NAALADL2: variants seen among roughly 807,000 people sequenced by gnomAD.
NAALADL2 encodes the protein N-acetylated alpha-linked acidic dipeptidase like 2.
A neutral mutation model predicts 87.2 loss-of-function variants in NAALADL2; 76 were observed. The observed-to-expected ratio is 0.87, with a 90% CI of 0.72 to 1.05. The LOEUF is 1.05. Among genes scored for constraint, NAALADL2 ranks in the 50% least tolerant of loss-of-function variants. NAALADL2 has a pLI of 0.00. For synonymous variants in NAALADL2, 354 were observed against 331.0 expected, an observed-to-expected ratio of 1.07 and a Z score of -0.75; for missense variants, 1,089 against 945.8, an observed-to-expected ratio of 1.15 and a Z score of -1.99.
chr3:175,740,991 A>C (rs1745164049), intron 12 of NAALADL2, among the ~76,000 whole-genome samples: 1 of 152,174 alleles, frequency 6.6e-6, no homozygotes, highest in Non-Finnish European at 1.5e-5. Context: ...GATGACAGTG[A>C]TCTAGTGGAG....
intron 2 of NAALADL2, among the ~76,000 whole-genome samples, chr3:175,117,708 C>T (rs1446459404): frequency 6.6e-6 from 1 of 151,866 alleles, no homozygotes; most frequent in Non-Finnish European, 1.5e-5. Context: ...GACAGTGCGG[C>T]AATTCCTCAA....
intron 13 of NAALADL2, among the ~76,000 whole-genome samples, chr3:175,791,911 CAA>C (rs201243200): frequency 1.6e-5 from 2 of 127,958 alleles, no homozygotes. Context: ...GTTCCCAAAG[CAA>C]AAAAAAAAAA....
At chr3:175,278,354 T>C (rs1753865626) in intron 4 of NAALADL2, among the ~76,000 whole-genome samples, 1 of 152,150 alleles carries the variant, frequency 6.6e-6, no homozygotes, top group Non-Finnish European at 1.5e-5. Flanking sequence ...CTAGTTAATA[T>C]ACCAGAGAGA....
intron 3 of NAALADL2, among the ~76,000 whole-genome samples, chr3:174,825,347 G>C (rs540651150): frequency 1.2e-4 from 19 of 152,304 alleles, no homozygotes; most frequent in Middle Eastern, 3.4e-3. Context: ...GTAAGTCCTG[G>C]AGTCCAAAGA....
intron 10 of NAALADL2, among the ~76,000 whole-genome samples, chr3:175,601,290 T>C (rs761300417): frequency 1.3e-5 from 2 of 152,196 alleles, no homozygotes; most frequent in African/African-American, 2.4e-5. Context: ...ATCAACATAT[T>C]GTATGTGTAT....
intron 5 of NAALADL2, among the ~76,000 whole-genome samples, chr3:175,406,329 GAGTATC>G (rs1712369948): frequency 6.6e-6 from 1 of 152,180 alleles, no homozygotes; most frequent in Admixed American, 6.5e-5. Context: ...CCATTGGGTA[GAGTATC>G]CTTATTTGAG....
At chr3:175,349,310 G>A (rs2148868747) in intron 5 of NAALADL2, among the ~76,000 whole-genome samples, 1 of 152,198 alleles carries the variant, frequency 6.6e-6, no homozygotes, top group Non-Finnish European at 1.5e-5. Context: ...CAACTATGTG[G>A]ATAAGAAAGA....
intron 3 of NAALADL2, among the ~76,000 whole-genome samples, chr3:174,807,282 G>A (rs948309145): frequency 6.6e-6 from 1 of 151,802 alleles, no homozygotes; most frequent in Non-Finnish European, 1.5e-5. Flanking sequence ...TAACAAAAAT[G>A]TATACAGAAC....
chr3:174,997,157 C>A (rs1296380901), intron 1 of NAALADL2, among the ~76,000 whole-genome samples: 1 of 151,426 alleles, frequency 6.6e-6, no homozygotes, highest in East Asian at 1.9e-4. Flanking sequence ...GTGCATGTGT[C>A]TTTTTCATAT....
chr3:174,659,894 G>A (rs1346918834), intron 2 of NAALADL2, among the ~76,000 whole-genome samples: 1 of 152,056 alleles, frequency 6.6e-6, no homozygotes, highest in African/African-American at 2.4e-5. Context: ...ATCATCATCA[G>A]TTCCCTTAGT....
At chr3:174,555,672 A>C (rs946625719) in intron 2 of NAALADL2, among the ~76,000 whole-genome samples, 16 of 152,126 alleles carry the variant, frequency 1.1e-4, no homozygotes, top group African/African-American at 3.6e-4. Context: ...GATGGTAATA[A>C]ACTGGGGAGG....
intron 2 of NAALADL2, among the ~76,000 whole-genome samples, chr3:174,601,828 C>T (rs978725657): frequency 6.6e-6 from 1 of 152,038 alleles, no homozygotes; most frequent in African/African-American, 2.4e-5. Flanking sequence ...TTGTATATGG[C>T]AAGAGACATG....
intron 9 of NAALADL2, among the ~76,000 whole-genome samples, chr3:175,543,062 C>A (rs1712654505): frequency 6.6e-6 from 1 of 152,140 alleles, no homozygotes; most frequent in Non-Finnish European, 1.5e-5. Flanking sequence ...TACATGAATC[C>A]AATTTTATCC....
chr3:175,602,343 A>T (rs1336105931), intron 10 of NAALADL2, among the ~76,000 whole-genome samples: 2 of 152,076 alleles, frequency 1.3e-5, no homozygotes, highest in Admixed American at 6.6e-5. Context: ...TGAATGCATA[A>T]TGTAGGTATT....
intron 13 of NAALADL2, among the ~76,000 whole-genome samples, chr3:175,802,715 ATTTTC>A (rs1231184236): frequency 6.8e-6 from 1 of 147,398 alleles, no homozygotes; most frequent in Non-Finnish European, 1.5e-5. Flanking sequence ...TTCAGATACA[ATTTTC>A]TTTTTCTATC....
rs201939616 is a variant in NAALADL2 at position 175,441,186 on chromosome 3, T to G, written c.1091-6043T>G. Among the ~76,000 whole-genome samples, 6 of 152,216 alleles carry G rather than the reference T, an allele frequency of 3.9e-5. No individual in the cohort carries two copies. In the East Asian group the frequency reaches 9.6e-4, roughly 24 times the overall value. On this transcript the variant is annotated intron_variant, in intron 5 of 13. Coordinates refer to ENST00000454872, the MANE Select transcript of NAALADL2 (RefSeq NM_207015.3). ...TCAACTAACTACAGATTGAAAGTAT[T>G]TGGGGAAAAAAAAATCCCACAAAGT...
At chr3:174,599,906 A>T (rs1017825495) in intron 2 of NAALADL2, among the ~76,000 whole-genome samples, 3 of 152,128 alleles carry the variant, frequency 2.0e-5, no homozygotes, top group African/African-American at 7.2e-5. Context: ...GGCATTATCA[A>T]TAGTGGAGTA....
At chr3:174,763,596 A>AAAAAAAAAAAAAAAAAAAAAC (rs1168526249) in intron 3 of NAALADL2, among the ~76,000 whole-genome samples, 2 of 149,150 alleles carry the variant, frequency 1.3e-5, no homozygotes, top group African/African-American at 2.5e-5. Flanking sequence ...CAAAAAAAAA[A>AAAAAAAAAAAAAAAAAAAAAC]AAAAAGACTA....
At chr3:175,181,769 G>GTATATATGTT (rs1736583629) in intron 2 of NAALADL2, among the ~76,000 whole-genome samples, 3 of 133,584 alleles carry the variant, frequency 2.2e-5, no homozygotes, top group Admixed American at 7.8e-5. Context: ...GTATATATGT[G>GTATATATGTT]TGTATATATG....
Sources: allele counts gnomAD v4.1 joint callset (sites outside exome capture counted in the v4.1 genomes callset), GRCh38; gene constraint gnomAD v4.1.1; transcripts MANE v1.5; gene names NCBI Gene and HGNC (gene_info 2026-07-23, HGNC 2026-07-21).